Variants in GRM5 observed in about 807,000 individuals in gnomAD.
GRM5 encodes the protein metabotropic glutamate receptor 5.
GRM5 carries 19 observed loss-of-function variants against 83.1 expected under a neutral mutation model. The observed-to-expected ratio is 0.23, with a 90% CI of 0.16 to 0.34. GRM5 has a LOEUF of 0.34. Ranked by LOEUF, GRM5 falls within the 10% of genes least tolerant of loss-of-function variation. The pLI, the probability that GRM5 is intolerant of heterozygous loss-of-function variation, is 1.00. For synonymous variants in GRM5, 675 were observed against 633.6 expected, an observed-to-expected ratio of 1.07 and a Z score of -0.98; for missense variants, 1,160 against 1,588.3, an observed-to-expected ratio of 0.73 and a Z score of 4.58.
intron 3 of GRM5, among the ~76,000 whole-genome samples, chr11:88,669,207 G>A (rs778331823): frequency 3.3e-5 from 5 of 152,058 alleles, no homozygotes; most frequent in Non-Finnish European, 5.9e-5. Flanking sequence ...TTTAATTTTC[G>A]AAAGCTGGTC....
intron 2 of GRM5, among the ~76,000 whole-genome samples, chr11:88,877,516 G>A (rs530212214): frequency 6.6e-6 from 1 of 152,020 alleles, no homozygotes; most frequent in South Asian, 2.1e-4. Flanking sequence ...TTATCATTAA[G>A]AAATATAACA....
At chr11:88,982,619 T>C (rs1458759270) in intron 2 of GRM5, among the ~76,000 whole-genome samples, 2 of 152,188 alleles carry the variant, frequency 1.3e-5, no homozygotes, top group Non-Finnish European at 2.9e-5. Flanking sequence ...ACACAATTTA[T>C]CTATTTTTTG....
At chr11:88,562,663 C>T (rs1400865464) in intron 8 of GRM5, among the ~76,000 whole-genome samples, 1 of 152,044 alleles carries the variant, frequency 6.6e-6, no homozygotes, top group African/African-American at 2.4e-5. Context: ...CTTCTCTGTT[C>T]CATTCCTCTT....
At chr11:88,606,783 T>A (rs1938153949) in intron 4 of GRM5, among the ~76,000 whole-genome samples, 2 of 151,958 alleles carry the variant, frequency 1.3e-5, no homozygotes, top group African/African-American at 2.4e-5. Context: ...GGCAAAGGTG[T>A]CTAGGAAGTG....
intron 2 of GRM5, among the ~76,000 whole-genome samples, chr11:89,010,039 GTT>G (rs1940654246): frequency 2.1e-5 from 3 of 141,994 alleles, no homozygotes; most frequent in African/African-American, 7.7e-5. Context: ...ATATAATATA[GTT>G]ATATATTATA....
Position 89,011,578 on chromosome 11 carries a change from T to C in GRM5, c.661+35634A>G, listed in dbSNP as rs143449341. Among the ~76,000 whole-genome samples, 33 of 152,310 alleles carry C rather than the reference T, an allele frequency of 2.2e-4. No homozygotes were observed. In the East Asian group the frequency reaches 6.4e-3, roughly 29 times the overall value. Reference sequence around the variant, plus strand: ...CCAGAGCTTTGCACAAAATTGCCTTTTCATTCATAGTGGCATCTCAACACT... The same window carrying C: ...CCAGAGCTTTGCACAAAATTGCCTTCTCATTCATAGTGGCATCTCAACACT... On this transcript the variant is annotated intron_variant, in intron 2 of 9. Transcript: ENST00000305447.
intron 8 of GRM5, among the ~76,000 whole-genome samples, chr11:88,545,411 C>T (rs1031248465): frequency 2.0e-5 from 3 of 152,032 alleles, no homozygotes; most frequent in Non-Finnish European, 4.4e-5. Context: ...CACCCCAATC[C>T]AAATTATTTC....
intron 7 of GRM5, among the ~76,000 whole-genome samples, chr11:88,570,571 A>ATATATATATATTTT (rs1405339448): frequency 8.6e-5 from 4 of 46,376 alleles, no homozygotes; most frequent in African/African-American, 5.3e-4. Context: ...ATATATATAT[A>ATATATATATATTTT]TTTTTTTTTT....
chr11:88,779,545 G>C (rs995875), intron 3 of GRM5, among the ~76,000 whole-genome samples: 6,057 of 152,022 alleles, frequency 0.04, 209 homozygotes, highest in South Asian at 0.085. Context: ...ATTTTTTTCT[G>C]TGCTCTTTCA....
chr11:89,013,655 G>T (rs1000130515), intron 2 of GRM5, among the ~76,000 whole-genome samples: 1 of 152,160 alleles, frequency 6.6e-6, no homozygotes, highest in Non-Finnish European at 1.5e-5. Context: ...AAAAATAGTT[G>T]TAAACTGTCA....
intron 8 of GRM5, among the ~76,000 whole-genome samples, chr11:88,529,839 T>A (rs755174398): frequency 6.6e-6 from 1 of 151,970 alleles, no homozygotes; most frequent in Non-Finnish European, 1.5e-5. Context: ...AAGTATAGAA[T>A]GATACCCCAG....
At chr11:88,649,164 C>T (rs1365747140) in intron 4 of GRM5, among the ~76,000 whole-genome samples, 1 of 137,204 alleles carries the variant, frequency 7.3e-6, no homozygotes, top group Non-Finnish European at 1.5e-5. Flanking sequence ...TATATACATA[C>T]ATGTGTATGT....
At chr11:88,943,687 A>G (rs1018354273) in intron 2 of GRM5, among the ~76,000 whole-genome samples, 4 of 152,052 alleles carry the variant, frequency 2.6e-5, no homozygotes, top group Non-Finnish European at 5.9e-5. Context: ...AGTATAGGAG[A>G]AATAGCAAAA....
intron 2 of GRM5, among the ~76,000 whole-genome samples, chr11:88,919,865 T>G (rs1054497230): frequency 4.0e-5 from 6 of 151,740 alleles, no homozygotes; most frequent in African/African-American, 1.5e-4. Context: ...AAAATGAAAA[T>G]GCAAAATCCC....
chr11:88,927,974 G>C (rs1368737105), intron 2 of GRM5, among the ~76,000 whole-genome samples: 1 of 151,936 alleles, frequency 6.6e-6, no homozygotes, highest in Non-Finnish European at 1.5e-5. Context: ...AGCAGGGCCC[G>C]GTAGCCCACC....
At chr11:88,941,469 GAA>G (rs1172037976) in intron 2 of GRM5, among the ~76,000 whole-genome samples, 3,102 of 84,450 alleles carry the variant, frequency 0.037, 170 homozygotes, top group African/African-American at 0.11. Context: ...GAAGAGAAGA[GAA>G]GAGGGGAGGG....
At chr11:88,735,947 C>T (rs1024310607) in intron 3 of GRM5, among the ~76,000 whole-genome samples, 9 of 151,198 alleles carry the variant, frequency 6.0e-5, no homozygotes, top group Middle Eastern at 6.8e-3. Flanking sequence ...AACCATATGG[C>T]CTATGTTTTC....
intron 7 of GRM5, among the ~76,000 whole-genome samples, chr11:88,568,675 G>T (rs1224806163): frequency 6.6e-6 from 1 of 152,106 alleles, no homozygotes; most frequent in Non-Finnish European, 1.5e-5. Flanking sequence ...AGATAAAGGT[G>T]TGCACACATT....
chr11:88,590,275 T>A (rs1221488209), intron 7 of GRM5, among the ~76,000 whole-genome samples: 1 of 152,202 alleles, frequency 6.6e-6, no homozygotes, highest in Non-Finnish European at 1.5e-5. Context: ...AACTTCTTTC[T>A]CTTCACCTAA....
Sources: allele counts gnomAD v4.1 joint callset (sites outside exome capture counted in the v4.1 genomes callset), GRCh38; gene constraint gnomAD v4.1.1; transcripts MANE v1.5; gene names NCBI Gene and HGNC (gene_info 2026-07-23, HGNC 2026-07-21).